Variants in NFATC3 observed in about 807,000 individuals in gnomAD.
The protein encoded by NFATC3 is nuclear factor of activated T cells 3.
NFATC3 carries 46 observed loss-of-function variants against 98.6 expected under a neutral mutation model. That is an observed-to-expected ratio of 0.47 (90% confidence interval 0.37 to 0.60). The LOEUF (loss-of-function observed/expected upper bound fraction) is 0.60, where lower values mean the gene tolerates loss of function less well. Ranked by LOEUF, NFATC3 falls within the 20% of genes least tolerant of loss-of-function variation. NFATC3 has a pLI of 0.00. For synonymous variants in NFATC3, 512 were observed against 472.2 expected (o/e 1.08, Z -1.09); for missense variants, 1,256 against 1,295.5 (o/e 0.97, Z 0.47).
chr16:68,088,068 G>T (rs1270686229), intron 1 of NFATC3, among the ~76,000 whole-genome samples: 1 of 152,028 alleles, frequency 6.6e-6, no homozygotes, highest in African/African-American at 2.4e-5. Context: ...ATAATTATGA[G>T]TATGTAGTTT....
intron 5 of NFATC3, among the ~76,000 whole-genome samples, chr16:68,168,178 T>C (rs1462063279): frequency 4.0e-5 from 6 of 151,098 alleles, no homozygotes; most frequent in Non-Finnish European, 8.8e-5. Context: ...GGGTGTTTTT[T>C]GAGACGGAGT....
At chr16:68,136,931 C>T (rs1222927252) in intron 3 of NFATC3, among the ~76,000 whole-genome samples, 2 of 151,994 alleles carry the variant, frequency 1.3e-5, no homozygotes, top group Admixed American at 1.3e-4. Context: ...AATAGTATAC[C>T]TGAATAGAGC....
Position 68,126,569 on chromosome 16 carries a change from G to A in NFATC3, c.1360G>A (p.Gly454Arg). ...CCATTATGAAACTGAAGGTAGCCGAGGGGCAGTAAAAGCATCTACTGGGGG... is the reference window on the plus strand; with the variant it reads ...CCATTATGAAACTGAAGGTAGCCGAAGGGCAGTAAAAGCATCTACTGGGGG... The part of the protein sequence containing the change: ...RAHYETEGSR[G>R]AVKASTGGHP... Residue 454 changes from glycine (G) to arginine (R), a missense_variant, in exon 3 of 10, where the codon GGG (glycine) becomes AGG (arginine). Physicochemically the swap from Gly to Arg is moderately radical, Grantham distance 125. Around this residue, in one of 3 missense-constraint regions of NFATC3, gnomAD observed 156 missense variants for 212.4 expected, o/e 0.73. Transcript: ENST00000346183. The A allele has an allele frequency of 6.2e-7, 1 of 1,614,202 alleles. No homozygotes were observed. The highest frequency in any genetic ancestry group is 8.5e-7 in the Non-Finnish European group (1 of 1,180,046).
At chr16:68,111,184 T>G (rs1214452749) in intron 1 of NFATC3, among the ~76,000 whole-genome samples, 2 of 152,220 alleles carry the variant, frequency 1.3e-5, no homozygotes, top group African/African-American at 4.8e-5. Flanking sequence ...TCTTTGTTAA[T>G]TTTTTGTCTC....
intron 1 of NFATC3, among the ~76,000 whole-genome samples, chr16:68,110,470 G>A (rs754035342): frequency 1.3e-4 from 19 of 151,564 alleles, no homozygotes; most frequent in South Asian, 2.1e-4. Context: ...CACCACACCC[G>A]GCTAATTTTT....
chr16:68,188,078 G>T (rs909910501), intron 8 of NFATC3, among the ~76,000 whole-genome samples: 4 of 152,194 alleles, frequency 2.6e-5, no homozygotes, highest in Non-Finnish European at 5.9e-5. Flanking sequence ...CAGGGGTCTG[G>T]TGTGTCAGCA....
intron 3 of NFATC3, among the ~76,000 whole-genome samples, chr16:68,127,148 G>A (rs2036878654): frequency 6.6e-6 from 1 of 152,150 alleles, no homozygotes; most frequent in East Asian, 1.9e-4. Flanking sequence ...GGGAGGCAGA[G>A]GTTGCAGTGA....
rs1195651712 is a variant in NFATC3 at position 68,192,233 on chromosome 16, AT to A, written c.3106+459del. 64 of 92,170 alleles carry A rather than the reference AT, an allele frequency of 6.9e-4. 4 individuals carry two copies. In the East Asian group the frequency reaches 0.013, roughly 19 times the overall value. 5.7% of individuals were successfully genotyped at this position (92,170 alleles called of 1,614,324 possible). A position where few individuals can be genotyped will look rare whatever the true frequency, so the allele number is the denominator to read the frequency against. ...GGGAAAAAAAAAAAAAAAAAAAAAT[AT>A]ATATATATATATATATATATGTATG... On this transcript the variant is annotated intron_variant, in intron 9 of 9. Transcript: ENST00000346183.
intron 1 of NFATC3, among the ~76,000 whole-genome samples, chr16:68,088,252 G>T (rs2034495726): frequency 6.7e-6 from 1 of 150,304 alleles, no homozygotes; most frequent in Admixed American, 6.7e-5. Context: ...TTGAGGTCGG[G>T]GATAGTGTCT....
At chr16:68,208,774 G>A (rs1409775908) in intron 9 of NFATC3, among the ~76,000 whole-genome samples, 6 of 148,722 alleles carry the variant, frequency 4.0e-5, no homozygotes, top group Admixed American at 4.0e-4. Flanking sequence ...AATTTTTTTT[G>A]GACCTTTCAT....
intron 9 of NFATC3, chr16:68,221,168 A>G: frequency 6.2e-7 from 1 of 1,607,870 alleles, no homozygotes; most frequent in Non-Finnish European, 8.5e-7. Flanking sequence ...CAAGATTGCT[A>G]ATGACTTACA....
Position 68,218,103 on chromosome 16 carries a change from A to T in NFATC3, c.3107-8247A>T, listed in dbSNP as rs78915992. On this transcript the variant is annotated intron_variant, in intron 9 of 9. Transcript: ENST00000346183. Reference sequence around the variant, plus strand: ...GAGACAGGGTCTCACACTGTTGCCTAGGCTGGAGTGCAGTGGTGCACGATC... The same window carrying T: ...GAGACAGGGTCTCACACTGTTGCCTTGGCTGGAGTGCAGTGGTGCACGATC... The T allele has an allele frequency of 1.1e-3, 995 of 909,006 alleles. 10 individuals are homozygous for T. In the African/African-American group the frequency reaches 0.017, roughly 16 times the overall value. 56.3% of individuals were successfully genotyped at this position (909,006 alleles called of 1,614,324 possible). A position where few individuals can be genotyped will look rare whatever the true frequency, so the allele number is the denominator to read the frequency against.
intron 5 of NFATC3, among the ~76,000 whole-genome samples, chr16:68,167,974 A>G (rs2151598654): frequency 6.6e-6 from 1 of 150,790 alleles, no homozygotes; most frequent in African/African-American, 2.4e-5. Context: ...CTGGGATTAC[A>G]GGCACCCGCC....
chr16:68,168,365 G>C (rs1598490626), intron 5 of NFATC3, among the ~76,000 whole-genome samples: 2 of 151,242 alleles, frequency 1.3e-5, no homozygotes, highest in Admixed American at 6.6e-5. Context: ...GTTTCACCAT[G>C]TTGGCCATGC....
chr16:68,116,972 G>T (rs146605630), intron 1 of NFATC3, among the ~76,000 whole-genome samples: 30 of 152,234 alleles, frequency 2.0e-4, no homozygotes, highest in South Asian at 4.1e-4. Context: ...TATACCCTTT[G>T]AACTGTTTGC....
At position 68,226,510 on chromosome 16, in the gene NFATC3, C is replaced by T; in HGVS notation, c.*39C>T. 6.9e-7 allele frequency: 1 copy of T among 1,457,524 alleles called. No individual in the cohort carries two copies. Among genetic ancestry groups the T allele is most frequent in the Non-Finnish European group, 9.0e-7 (1 of 1,107,802 alleles). The allele number at this position is 1,457,524 out of a possible 1,614,324, so 90.3% of individuals were successfully genotyped here. On this transcript the variant is annotated 3_prime_UTR_variant, in exon 10 of 10. Coordinates refer to ENST00000346183, the MANE Select transcript of NFATC3 (RefSeq NM_173165.3). ...AGCCTTGTGTCCACCACCAACTTCT[C>T]AGCATGTTTCTCTCCTTGGACCTTG...
chr16:68,175,320 G>A (rs1598507229), intron 6 of NFATC3, among the ~76,000 whole-genome samples: 1 of 152,134 alleles, frequency 6.6e-6, no homozygotes, highest in East Asian at 1.9e-4. Flanking sequence ...TTGGAGTGAT[G>A]GAAATCTTCT....
At chr16:68,210,741 AT>A (rs2041351041) in intron 9 of NFATC3, among the ~76,000 whole-genome samples, 2 of 151,620 alleles carry the variant, frequency 1.3e-5, no homozygotes, top group South Asian at 4.2e-4. Context: ...TGTTTTGTTG[AT>A]TTTTGCATCT....
At chr16:68,103,669 G>A (rs2035488869) in intron 1 of NFATC3, among the ~76,000 whole-genome samples, 1 of 152,110 alleles carries the variant, frequency 6.6e-6, no homozygotes, top group Non-Finnish European at 1.5e-5. Flanking sequence ...AGAGTTTTAT[G>A]CTTTTAGCTC....
Sources: gnomAD v4.1 joint callset for allele counts (sites outside exome capture counted in the v4.1 genomes callset) on GRCh38, gnomAD v4.1.1 for gene constraint, gnomAD v4.1.1 regional missense constraint, MANE v1.5 for transcripts, NCBI Gene and HGNC (gene_info 2026-07-23, HGNC 2026-07-21) for gene names.